PHACTR1: variants seen among roughly 807,000 people sequenced by gnomAD.
PHACTR1 encodes the protein phosphatase and actin regulator 1.
Under a neutral mutation model 69.2 loss-of-function variants are expected in PHACTR1, and 16 were observed. The observed-to-expected ratio is 0.23, with a 90% CI of 0.16 to 0.35. The LOEUF is 0.35. Ranked by LOEUF, PHACTR1 falls within the 10% of genes least tolerant of loss-of-function variation. PHACTR1 has a pLI of 1.00. For synonymous variants in PHACTR1, 312 were observed against 284.5 expected, an observed-to-expected ratio of 1.10 and a Z score of -0.97; for missense variants, 510 against 734.7, an observed-to-expected ratio of 0.69 and a Z score of 3.54.
chr6:12,777,772 C>T (rs1168878743), intron 4 of PHACTR1, among the ~76,000 whole-genome samples: 6 of 151,870 alleles, frequency 4.0e-5, no homozygotes, highest in African/African-American at 1.5e-4. Context: ...GCTGGGATTA[C>T]AGGTGCCTGC....
intron 4 of PHACTR1, among the ~76,000 whole-genome samples, chr6:12,753,967 TA>T (rs796960193): frequency 0.023 from 1,069 of 46,328 alleles, 18 homozygotes; most frequent in Non-Finnish European, 0.03. Context: ...TATATATATA[TA>T]TATTTTTTTT....
At chr6:13,092,845 C>T (rs1398702805) in intron 5 of PHACTR1, among the ~76,000 whole-genome samples, 1 of 152,246 alleles carries the variant, frequency 6.6e-6, no homozygotes, top group Non-Finnish European at 1.5e-5. Context: ...TGGATGAAGA[C>T]TGATGCTTTT....
intron 10 of PHACTR1, among the ~76,000 whole-genome samples, chr6:13,253,600 A>G (rs530943912): frequency 1.3e-5 from 2 of 152,366 alleles, no homozygotes; most frequent in South Asian, 2.1e-4. Flanking sequence ...GACAATAAGT[A>G]CAGTGATACC....
rs369039152 is a variant in PHACTR1 at position 13,214,767 on chromosome 6, TA to T, written c.986+8636del. On this transcript the variant is annotated intron_variant, in intron 8 of 14. Transcript: ENST00000332995. Reference sequence around the variant, plus strand: ...ATAATTGAAATCTCTGAGTTTGATCTAAAAAGGCTAAATATGAATGAGTTTT... The same window carrying T: ...ATAATTGAAATCTCTGAGTTTGATCTAAAAGGCTAAATATGAATGAGTTTT... Among the ~76,000 whole-genome samples the T allele has an allele frequency of 4.5e-3, 687 of 152,326 alleles. 12 individuals carry two copies. The highest frequency in any genetic ancestry group is 0.016 in the African/African-American group (648 of 41,560).
At chr6:12,935,060 T>C (rs998222467) in intron 4 of PHACTR1, among the ~76,000 whole-genome samples, 4 of 152,090 alleles carry the variant, frequency 2.6e-5, no homozygotes, top group Non-Finnish European at 5.9e-5. Flanking sequence ...ATATGGTTGC[T>C]GTGAGGATTA....
chr6:13,284,678 C>T (rs1781253936), intron 13 of PHACTR1, among the ~76,000 whole-genome samples: 1 of 150,616 alleles, frequency 6.6e-6, no homozygotes, highest in African/African-American at 2.5e-5. Context: ...AACAGTCCTG[C>T]CTTCACTGTC....
At chr6:13,027,798 C>T (rs1287901392) in intron 4 of PHACTR1, among the ~76,000 whole-genome samples, 1 of 152,170 alleles carries the variant, frequency 6.6e-6, no homozygotes, top group Non-Finnish European at 1.5e-5. Flanking sequence ...TCCTCAGTCT[C>T]CCAAGCACCT....
chr6:12,754,377 T>A (rs901261982), intron 4 of PHACTR1, among the ~76,000 whole-genome samples: 3 of 152,174 alleles, frequency 2.0e-5, no homozygotes, highest in Non-Finnish European at 4.4e-5. Context: ...AATGCCAGTG[T>A]GTTCCTCACT....
chr6:12,768,719 G>T (rs1186803098), intron 4 of PHACTR1, among the ~76,000 whole-genome samples: 1 of 151,196 alleles, frequency 6.6e-6, no homozygotes. Context: ...GGATCCTATG[G>T]TAGTTATATT....
At chr6:12,866,560 G>C (rs569430285) in intron 4 of PHACTR1, among the ~76,000 whole-genome samples, 2 of 152,118 alleles carry the variant, frequency 1.3e-5, no homozygotes, top group African/African-American at 2.4e-5. Flanking sequence ...TACCTACAAG[G>C]CTCCGCCCAC....
intron 5 of PHACTR1, among the ~76,000 whole-genome samples, chr6:13,089,762 C>T (rs4389765): frequency 0.81 from 122,497 of 152,110 alleles, 49,458 homozygotes; most frequent in East Asian, 0.93. Flanking sequence ...CCTGAATGGG[C>T]TGACACATTT....
intron 4 of PHACTR1, among the ~76,000 whole-genome samples, chr6:12,760,369 C>G (rs753259203): frequency 6.6e-6 from 1 of 152,178 alleles, no homozygotes; most frequent in Non-Finnish European, 1.5e-5. Context: ...GGAAAATTTA[C>G]ATTAAGAATA....
chr6:13,272,971 T>C, intron 11 of PHACTR1, 56 bp downstream of exon 11: 1 of 1,605,972 alleles, frequency 6.2e-7, no homozygotes, highest in Non-Finnish European at 8.5e-7. Flanking sequence ...TTTGTTATTA[T>C]TTAATGGTAG....
At chr6:12,796,703 G>A (rs1773042300) in intron 4 of PHACTR1, among the ~76,000 whole-genome samples, 1 of 152,218 alleles carries the variant, frequency 6.6e-6, no homozygotes, top group Non-Finnish European at 1.5e-5. Flanking sequence ...AAGAGCTTTT[G>A]TTGGACCACA....
intron 4 of PHACTR1, among the ~76,000 whole-genome samples, chr6:12,921,860 A>G (rs1417209775): frequency 1.4e-5 from 2 of 143,120 alleles, no homozygotes; most frequent in Non-Finnish European, 3.1e-5. Context: ...GCAGGAAGGC[A>G]AGAAGGCTGG....
At chr6:13,124,838 T>C (rs916249871) in intron 5 of PHACTR1, among the ~76,000 whole-genome samples, 6 of 152,216 alleles carry the variant, frequency 3.9e-5, no homozygotes, top group African/African-American at 1.2e-4. Context: ...CTTATAAGTA[T>C]GTCTATGTCT....
At chr6:13,024,358 CT>C (rs1346516037) in intron 4 of PHACTR1, among the ~76,000 whole-genome samples, 2 of 152,130 alleles carry the variant, frequency 1.3e-5, no homozygotes, top group East Asian at 3.9e-4. Context: ...CCAGTGGAAA[CT>C]ATAGATTGTG....
intron 4 of PHACTR1, among the ~76,000 whole-genome samples, chr6:12,761,364 C>T (rs1768003486): frequency 6.6e-6 from 1 of 152,218 alleles, no homozygotes; most frequent in Non-Finnish European, 1.5e-5. Flanking sequence ...GAAACACTGA[C>T]TCCAGCATTT....
intron 4 of PHACTR1, among the ~76,000 whole-genome samples, chr6:12,909,931 C>T (rs1786191393): frequency 6.6e-6 from 1 of 152,238 alleles, no homozygotes; most frequent in South Asian, 2.1e-4. Context: ...TCTCTCCAAG[C>T]CCCACATTCG....
Sources: gnomAD v4.1 joint callset for allele counts (sites outside exome capture counted in the v4.1 genomes callset) on GRCh38, gnomAD v4.1.1 for gene constraint, MANE v1.5 for transcripts, NCBI Gene and HGNC (gene_info 2026-07-23, HGNC 2026-07-21) for gene names.